EXTL3: variants seen among roughly 807,000 people sequenced by gnomAD.
EXTL3 encodes exostosin like glycosyltransferase 3, also known as exostosin-like 3.
In EXTL3, 27 loss-of-function variants were observed where a neutral mutation model predicts 69.3. The ratio of observed to expected loss-of-function variants is 0.39; its 90% CI spans 0.29 to 0.54. The LOEUF is 0.54. EXTL3 is among the 20% of genes least tolerant of loss of function. The pLI is 0.69. For synonymous variants in EXTL3, 511 were observed against 499.4 expected (o/e 1.02, Z -0.31); for missense variants, 1,003 against 1,231.8 (o/e 0.81, Z 2.78).
At chr8:28,650,065 G>A (rs915585858) in intron 1 of EXTL3, among the ~76,000 whole-genome samples, 2 of 151,604 alleles carry the variant, frequency 1.3e-5, no homozygotes, top group African/African-American at 2.4e-5. Context: ...GTGTGGTGGC[G>A]CACACCTATA....
At chr8:28,621,296 A>G (rs1443816575), upstream of EXTL3, among the ~76,000 whole-genome samples, 1 of 152,166 alleles carries the variant, frequency 6.6e-6, no homozygotes, top group Non-Finnish European at 1.5e-5. Flanking sequence ...TGTTCTTATA[A>G]AAGGGGGATA....
At chr8:28,640,926 G>A (rs1052275441) in intron 1 of EXTL3, among the ~76,000 whole-genome samples, 1 of 152,056 alleles carries the variant, frequency 6.6e-6, no homozygotes, top group Admixed American at 6.6e-5. Flanking sequence ...TAACAGACTA[G>A]TGTAGTATGA....
At chr8:28,677,753 A>AC (rs1050719787) in intron 1 of EXTL3, among the ~76,000 whole-genome samples, 60 of 152,176 alleles carry the variant, frequency 3.9e-4, no homozygotes, top group African/African-American at 1.3e-3. Context: ...AAACACAACC[A>AC]CCCCAATAAT....
chr8:28,623,863 G>A lies in EXTL3; in HGVS notation c.-53+1053G>A, dbSNP rs1337171321. Among the ~76,000 whole-genome samples, 2 of 152,200 alleles carry A rather than the reference G, an allele frequency of 1.3e-5. No homozygotes were observed. Among genetic ancestry groups the A allele is most frequent in the Non-Finnish European group, 2.9e-5 (2 of 68,044 alleles). ...AATTTGCTGCTCGTAAAAGGCAGCA[G>A]ATGGGAAATCAGGCAAGCTTGGTTT... On this transcript the variant is annotated intron_variant, in intron 1 of 6. Transcript: ENST00000523149. The surrounding 1 kb of genome is among the most constrained non-coding windows in gnomAD (Gnocchi z 4.2).
intron 1 of EXTL3, among the ~76,000 whole-genome samples, chr8:28,687,980 T>C (rs2130671898): frequency 6.6e-6 from 1 of 152,294 alleles, no homozygotes; most frequent in East Asian, 1.9e-4. Flanking sequence ...ACTGGTTATC[T>C]TAATGAGAGC....
intron 5 of EXTL3, among the ~76,000 whole-genome samples, chr8:28,739,686 C>A (rs1801735415): frequency 6.6e-6 from 1 of 152,114 alleles, no homozygotes; most frequent in African/African-American, 2.4e-5. Context: ...TGTTCTTTTT[C>A]TTTTAAAAAC....
intron 3 of EXTL3, among the ~76,000 whole-genome samples, chr8:28,727,678 G>A (rs1035238849): frequency 2.4e-4 from 36 of 152,264 alleles, no homozygotes; most frequent in African/African-American, 8.4e-4. Flanking sequence ...CACACGTCTA[G>A]TAAGAGGAAG....
chr8:28,717,813 C>G lies in EXTL3; in HGVS notation c.1754C>G (p.Ala585Gly). 6.2e-7 allele frequency: 1 copy of G among 1,612,452 alleles called. No individual in the cohort carries two copies. The highest frequency in any genetic ancestry group is 8.5e-7 in the Non-Finnish European group (1 of 1,178,622). The change falls in exon 3 of 7, where the codon GCC becomes GGC. Residue 585 changes from alanine to glycine, a missense_variant. Transcript: ENST00000220562. The surrounding 1 kb of genome is among the most constrained non-coding windows in gnomAD (Gnocchi z 8.3). ...CCAGTGGAGACGGAGCCGCCCTACG[C>G]CTCACCCAGATACCTCCGCAATTTC... ...LGPVETEPPY[A>G]SPRYLRNFTL...
intron 1 of EXTL3, among the ~76,000 whole-genome samples, chr8:28,629,298 C>T (rs1806538409): frequency 6.6e-6 from 1 of 152,128 alleles, no homozygotes; most frequent in South Asian, 2.1e-4. Flanking sequence ...AGTCTTGCTA[C>T]AGCACATTCA....
At chr8:28,705,359 A>T (rs1390847996) in intron 1 of EXTL3, among the ~76,000 whole-genome samples, 3 of 152,160 alleles carry the variant, frequency 2.0e-5, no homozygotes, top group Admixed American at 6.5e-5. Flanking sequence ...GGTAATGATG[A>T]TGGGATGGTA....
intron 1 of EXTL3, among the ~76,000 whole-genome samples, chr8:28,667,861 A>T (rs1807220892): frequency 6.6e-6 from 1 of 151,648 alleles, no homozygotes; most frequent in African/African-American, 2.4e-5. Context: ...TAAAGTATAA[A>T]AAAAAAAAAA....
intron 1 of EXTL3, among the ~76,000 whole-genome samples, chr8:28,659,712 CT>C (rs919840478): frequency 6.6e-6 from 1 of 152,182 alleles, no homozygotes; most frequent in African/African-American, 2.4e-5. Context: ...GTGCCAGTGC[CT>C]GCCCCAAACT....
intron 1 of EXTL3, among the ~76,000 whole-genome samples, chr8:28,633,722 C>T (rs2130567445): frequency 6.6e-6 from 1 of 152,238 alleles, no homozygotes; most frequent in Middle Eastern, 3.4e-3. Flanking sequence ...CACATTCACG[C>T]CCTTTTGTTT....
chr8:28,747,644 A>G (rs1022525266), intron 6 of EXTL3, among the ~76,000 whole-genome samples: 2 of 152,034 alleles, frequency 1.3e-5, no homozygotes, highest in Admixed American at 6.5e-5. Context: ...TATCCTGTCT[A>G]TCGTGGTGAC....
chr8:28,643,893 G>A (rs1483901575), intron 1 of EXTL3, among the ~76,000 whole-genome samples: 1 of 152,092 alleles, frequency 6.6e-6, no homozygotes, highest in African/African-American at 2.4e-5. Flanking sequence ...AGCCTCCTGA[G>A]TAGCTGGGAC....
chr8:28,719,250 G>A (rs1235568480), intron 3 of EXTL3, among the ~76,000 whole-genome samples: 2 of 152,302 alleles, frequency 1.3e-5, no homozygotes, highest in East Asian at 1.9e-4. Context: ...TAGTCATTTC[G>A]TGATCTTTGA....
At chr8:28,649,233 AC>A (rs1806880823) in intron 1 of EXTL3, among the ~76,000 whole-genome samples, 2 of 152,058 alleles carry the variant, frequency 1.3e-5, no homozygotes, top group Non-Finnish European at 2.9e-5. Flanking sequence ...ATTTCCTTGT[AC>A]CTGTATGCAA....
chr8:28,667,542 G>A (rs113221276), intron 1 of EXTL3, among the ~76,000 whole-genome samples: 38 of 152,276 alleles, frequency 2.5e-4, no homozygotes, highest in African/African-American at 7.2e-4. Context: ...GCATGGTTCC[G>A]ATTGGTGAGG....
At chr8:28,609,901 TAAAAAAA>T in intron 2 of EXTL3, among the ~76,000 whole-genome samples, 1 of 122,356 alleles carries the variant, frequency 8.2e-6, no homozygotes, top group South Asian at 2.8e-4. Context: ...AAAAAATAAT[TAAAAAAA>T]AAAAAAAAAA....
Sources: allele counts gnomAD v4.1 joint callset (sites outside exome capture counted in the v4.1 genomes callset), GRCh38; gene constraint gnomAD v4.1.1; non-coding constraint Gnocchi (gnomAD v3.1); transcripts MANE v1.5; gene names NCBI Gene and HGNC (gene_info 2026-07-23, HGNC 2026-07-21).